The following DLG2 variants were observed in gnomAD, a reference collection of about 807,000 sequenced individuals.
The protein encoded by DLG2 is discs large MAGUK scaffold protein 2, also known as disks large homolog 2.
A neutral mutation model predicts 132.5 loss-of-function variants in DLG2; 45 were observed. The observed-to-expected ratio is 0.34, with a 90% CI of 0.27 to 0.44. DLG2 has a LOEUF of 0.44. DLG2 is among the 20% of genes least tolerant of loss of function. The probability of loss-of-function intolerance (pLI) is 1.00; values close to 1 mark genes in which losing one functional copy is unlikely to be tolerated. For missense variants in DLG2, 1,045 were observed against 1,196.9 expected (o/e 0.87, Z 1.87); for synonymous variants, 424 against 419.6 (o/e 1.01, Z -0.13).
At chr11:83,746,831 C>T (rs2092949503) in intron 18 of DLG2, among the ~76,000 whole-genome samples, 1 of 152,116 alleles carries the variant, frequency 6.6e-6, no homozygotes, top group Non-Finnish European at 1.5e-5. Flanking sequence ...TACTAAGGTC[C>T]ATAAGTTCTT....
chr11:85,340,657 T>A (rs977979540), intron 3 of DLG2, among the ~76,000 whole-genome samples: 1 of 152,136 alleles, frequency 6.6e-6, no homozygotes, highest in African/African-American at 2.4e-5. Context: ...AAAGGTAAAA[T>A]TTTTTTAAAA....
In DLG2 at chr11:84,943,163, T is replaced by TGC. The variant is rs773706459; in HGVS notation, c.357+168497_357+168498insGC. On this transcript the variant is annotated intron_variant, in intron 6 of 27. Coordinates refer to ENST00000376104, the MANE Select transcript of DLG2 (RefSeq NM_001142699.3). ...CACAGATTTTTGGGTCGTGTGTGTG[T>TGC]GTGCGTGTGTGTGTGTGTGTGTGTG... Among the ~76,000 whole-genome samples the TGC allele has an allele frequency of 9.9e-5, 13 of 130,668 alleles. No homozygotes were observed. In the East Asian group the frequency reaches 2.7e-3, roughly 27 times the overall value. 85.7% of individuals were successfully genotyped at this position (130,668 alleles called of 152,430 possible).
chr11:85,457,896 T>C (rs2092472289), intron 3 of DLG2, among the ~76,000 whole-genome samples: 1 of 152,192 alleles, frequency 6.6e-6, no homozygotes, highest in Non-Finnish European at 1.5e-5. Flanking sequence ...TTGAAGAATC[T>C]GATGATTATG....
At chr11:84,559,194 T>C (rs2154525822) in intron 6 of DLG2, among the ~76,000 whole-genome samples, 1 of 152,230 alleles carries the variant, frequency 6.6e-6, no homozygotes, top group South Asian at 2.1e-4. Context: ...CCCAACAAAG[T>C]GCTTATATTG....
rs531112542 is a variant in DLG2 at position 84,386,242 on chromosome 11, C to T, written c.520-134951G>A. ...GTCTCTTTACCCTTATATGAGTATA[C>T]CTCTAATTTTTTATTTGTCAACTTT... On this transcript the variant is annotated intron_variant, in intron 7 of 27. Transcript: ENST00000376104. Among the ~76,000 whole-genome samples, 199 of 151,934 alleles carry T rather than the reference C, an allele frequency of 1.3e-3. 1 individual carries two copies. The highest frequency in any genetic ancestry group is 4.6e-3 in the African/African-American group (189 of 41,440).
chr11:84,150,368 C>T (rs2095255415), intron 9 of DLG2, among the ~76,000 whole-genome samples: 2 of 152,112 alleles, frequency 1.3e-5, no homozygotes, highest in African/African-American at 4.8e-5. Context: ...TGGCTCTCAG[C>T]TTGAACATTA....
At chr11:85,100,292 A>G (rs1566847779) in intron 6 of DLG2, among the ~76,000 whole-genome samples, 2 of 152,114 alleles carry the variant, frequency 1.3e-5, no homozygotes. Context: ...AATAATAACA[A>G]TAAAATTAAC....
intron 6 of DLG2, among the ~76,000 whole-genome samples, chr11:84,635,953 G>C (rs1385431317): frequency 2.0e-5 from 3 of 152,150 alleles, no homozygotes; most frequent in Non-Finnish European, 4.4e-5. Flanking sequence ...TTAATTAAAG[G>C]ATAAATGAGA....
At chr11:83,923,301 C>T (rs1401658035) in intron 15 of DLG2, among the ~76,000 whole-genome samples, 1 of 152,144 alleles carries the variant, frequency 6.6e-6, no homozygotes, top group Non-Finnish European at 1.5e-5. Flanking sequence ...TTCCCTTGAT[C>T]ATCACAGCAA....
intron 3 of DLG2, among the ~76,000 whole-genome samples, chr11:85,324,474 G>C (rs1387535766): frequency 6.6e-6 from 1 of 152,076 alleles, no homozygotes; most frequent in African/African-American, 2.4e-5. Flanking sequence ...AAAAATTCGG[G>C]AAAGACTAAA....
intron 6 of DLG2, among the ~76,000 whole-genome samples, chr11:84,718,640 A>G (rs1341106304): frequency 6.6e-6 from 1 of 152,206 alleles, no homozygotes; most frequent in East Asian, 1.9e-4. Flanking sequence ...GTTAAATATC[A>G]TTTAGCACCG....
intron 6 of DLG2, among the ~76,000 whole-genome samples, chr11:84,585,863 C>T (rs2099528478): frequency 6.6e-6 from 1 of 152,164 alleles, no homozygotes; most frequent in African/African-American, 2.4e-5. Flanking sequence ...TAAAACGTAT[C>T]TTATAGCGTT....
Position 84,059,367 on chromosome 11 carries a change from T to C in DLG2, c.867A>G (p.Arg289=). ...GSIVRLYVRR[R]RPILETVVEI... is the part of the protein sequence containing the mutation. ...CCACAACGGTCTCCAAAATAGGTCG[T>C]CTTCTACGCACATACAGCCGAACGA... Residue 289 remains arginine, a synonymous_variant, in exon 11 of 28, where the codon AGA becomes AGG. Transcript: ENST00000376104. 6.2e-7 allele frequency: 1 copy of C among 1,613,740 alleles called. No homozygotes were observed. The highest frequency in any genetic ancestry group is 1.1e-5 in the South Asian group (1 of 91,000).
At chr11:83,783,779 T>C (rs1350681767) in intron 18 of DLG2, among the ~76,000 whole-genome samples, 1 of 152,184 alleles carries the variant, frequency 6.6e-6, no homozygotes, top group African/African-American at 2.4e-5. Context: ...TCTGGCTCCA[T>C]TTCCACATTT....
chr11:83,979,214 G>A (rs904078480), intron 12 of DLG2, among the ~76,000 whole-genome samples: 1 of 152,052 alleles, frequency 6.6e-6, no homozygotes, highest in African/African-American at 2.4e-5. Flanking sequence ...CTAAAGCTGA[G>A]GGAAGTAGGC....
chr11:84,336,950 C>T (rs1164004758), intron 7 of DLG2, among the ~76,000 whole-genome samples: 1 of 152,220 alleles, frequency 6.6e-6, no homozygotes, highest in Non-Finnish European at 1.5e-5. Flanking sequence ...CTCCTATATA[C>T]ACACTACACA....
intron 17 of DLG2, among the ~76,000 whole-genome samples, chr11:83,819,167 G>A (rs1420506130): frequency 6.6e-6 from 1 of 151,986 alleles, no homozygotes; most frequent in African/African-American, 2.4e-5. Flanking sequence ...CAGACCCTCC[G>A]CCAAATGAAA....
intron 6 of DLG2, among the ~76,000 whole-genome samples, chr11:84,603,723 G>A (rs1442598821): frequency 6.6e-6 from 1 of 151,784 alleles, no homozygotes; most frequent in Non-Finnish European, 1.5e-5. Flanking sequence ...CTTATCTCAT[G>A]TATTGGTTTA....
intron 18 of DLG2, among the ~76,000 whole-genome samples, chr11:83,705,957 G>T (rs113112870): frequency 6.6e-6 from 1 of 152,152 alleles, no homozygotes; most frequent in Non-Finnish European, 1.5e-5. Context: ...GGTGGCTCAC[G>T]CCTGTAATCC....
Sources: gnomAD v4.1 joint callset for allele counts (sites outside exome capture counted in the v4.1 genomes callset) on GRCh38, gnomAD v4.1.1 for gene constraint, MANE v1.5 for transcripts, NCBI Gene and HGNC (gene_info 2026-07-23, HGNC 2026-07-21) for gene names.